MDGA2: variants seen among roughly 807,000 people sequenced by gnomAD.
The protein encoded by MDGA2 is MAM domain-containing glycosylphosphatidylinositol anchor protein 2.
Under a neutral mutation model 117.8 loss-of-function variants are expected in MDGA2, and 40 were observed. That is an observed-to-expected ratio of 0.34 (90% CI 0.26 to 0.44). The LOEUF (loss-of-function observed/expected upper bound fraction) is 0.44. MDGA2 is among the 20% of genes least tolerant of loss of function. The pLI is 1.00. For missense variants in MDGA2, 1,123 were observed against 1,250.6 expected, an observed-to-expected ratio of 0.90 and a Z score of 1.54; for synonymous variants, 452 against 439.0, an observed-to-expected ratio of 1.03 and a Z score of -0.37.
intron 4 of MDGA2, among the ~76,000 whole-genome samples, chr14:47,140,773 G>T (rs895159897): frequency 6.6e-6 from 1 of 151,952 alleles, no homozygotes; most frequent in African/African-American, 2.4e-5. Context: ...TTGGTCTGGG[G>T]ACAGGCAACT....
chr14:46,850,492 G>A (rs1033653025), intron 15 of MDGA2, among the ~76,000 whole-genome samples: 2 of 151,730 alleles, frequency 1.3e-5, no homozygotes, highest in African/African-American at 4.8e-5. Flanking sequence ...TTACTGCTAA[G>A]GCAAATGCAA....
chr14:47,169,369 T>G (rs568731251), intron 3 of MDGA2, among the ~76,000 whole-genome samples: 1 of 151,880 alleles, frequency 6.6e-6, no homozygotes, highest in African/African-American at 2.4e-5. Flanking sequence ...TTATATGATG[T>G]TACCTTTTCA....
At chr14:47,366,002 CACAAAGACAATCTCAATA>C (rs1442611195) in intron 1 of MDGA2, among the ~76,000 whole-genome samples, 1 of 152,108 alleles carries the variant, frequency 6.6e-6, no homozygotes, top group African/African-American at 2.4e-5. Context: ...AGAACTCAAT[CACAAAGACAATCTCAATA>C]ACCATGTATG....
chr14:47,206,108 C>G (rs1260647442), intron 3 of MDGA2, among the ~76,000 whole-genome samples: 1 of 151,926 alleles, frequency 6.6e-6, no homozygotes, highest in Non-Finnish European at 1.5e-5. Context: ...GTTTTCCAAC[C>G]AAAACATACT....
At chr14:47,069,660 C>T (rs1435742679) in intron 6 of MDGA2, among the ~76,000 whole-genome samples, 1 of 152,136 alleles carries the variant, frequency 6.6e-6, no homozygotes, top group African/African-American at 2.4e-5. Flanking sequence ...GGAGTTTTCC[C>T]TTGATGTTCT....
chr14:47,474,616 C>T (rs867627630), intron 1 of MDGA2, among the ~76,000 whole-genome samples: 78 of 152,170 alleles, frequency 5.1e-4, no homozygotes, highest in Admixed American at 4.6e-4. Flanking sequence ...CAAAACGTCA[C>T]GGTACTGGTC....
chr14:47,162,024 C>A (rs1883661557), intron 3 of MDGA2, among the ~76,000 whole-genome samples: 1 of 146,092 alleles, frequency 6.8e-6, no homozygotes, highest in African/African-American at 2.5e-5. Flanking sequence ...CGGCTCACTG[C>A]AACCTCCACC....
chr14:47,411,941 T>C (rs1892381742), intron 1 of MDGA2, among the ~76,000 whole-genome samples: 1 of 152,204 alleles, frequency 6.6e-6, no homozygotes, highest in African/African-American at 2.4e-5. Context: ...CATTGAAAAG[T>C]AGTCACTCTT....
chr14:47,447,254 G>A (rs1893143195), intron 1 of MDGA2, among the ~76,000 whole-genome samples: 3 of 152,140 alleles, frequency 2.0e-5, no homozygotes, highest in Non-Finnish European at 4.4e-5. Context: ...GCTAGCCTGG[G>A]AAGTTTCTTG....
At chr14:47,391,853 C>T (rs1175955340) in intron 1 of MDGA2, among the ~76,000 whole-genome samples, 1 of 139,780 alleles carries the variant, frequency 7.2e-6, no homozygotes, top group East Asian at 2.1e-4. Flanking sequence ...ATAAGTATCT[C>T]AAAGATTTGA....
chr14:47,608,389 T>C (rs149566242), intron 1 of MDGA2, among the ~76,000 whole-genome samples: 155 of 152,232 alleles, frequency 1.0e-3, no homozygotes, highest in African/African-American at 3.5e-3. Context: ...ACTAAATCCA[T>C]ACATTCTTGC....
At chr14:47,182,812 C>G (rs1395756941) in intron 3 of MDGA2, among the ~76,000 whole-genome samples, 1 of 152,144 alleles carries the variant, frequency 6.6e-6, no homozygotes, top group African/African-American at 2.4e-5. Flanking sequence ...ATATACAAAT[C>G]TGCTCTCAAA....
At chr14:47,098,597 G>A (rs1446012288) in intron 5 of MDGA2, among the ~76,000 whole-genome samples, 2 of 151,740 alleles carry the variant, frequency 1.3e-5, no homozygotes, top group African/African-American at 4.8e-5. Context: ...TAAATATTCT[G>A]AAAATAGATA....
chr14:47,526,873 A>G (rs1894983268), intron 1 of MDGA2, among the ~76,000 whole-genome samples: 1 of 152,152 alleles, frequency 6.6e-6, no homozygotes, highest in Non-Finnish European at 1.5e-5. Flanking sequence ...AAGTAGAACA[A>G]TTGTTGAGAT....
At chr14:47,017,666 T>C (rs536669863) in intron 8 of MDGA2, among the ~76,000 whole-genome samples, 2 of 152,034 alleles carry the variant, frequency 1.3e-5, no homozygotes, top group African/African-American at 4.8e-5. Context: ...AGCTGAAAAA[T>C]ACAGATTAAA....
At chr14:46,982,978 C>T (rs955610786) in intron 8 of MDGA2, among the ~76,000 whole-genome samples, 2 of 151,930 alleles carry the variant, frequency 1.3e-5, no homozygotes, top group Non-Finnish European at 2.9e-5. Context: ...TGAGATACGT[C>T]CCATCAATAC....
At chr14:46,894,199 G>T (rs1882992048) in intron 10 of MDGA2, among the ~76,000 whole-genome samples, 1 of 151,950 alleles carries the variant, frequency 6.6e-6, no homozygotes, top group Non-Finnish European at 1.5e-5. Flanking sequence ...CATTTCCTCA[G>T]TTGAAGAAGT....
chr14:47,015,325 A>T (rs1382650245), intron 8 of MDGA2, among the ~76,000 whole-genome samples: 2 of 151,986 alleles, frequency 1.3e-5, no homozygotes, highest in East Asian at 3.9e-4. Flanking sequence ...TGCTGTTAAA[A>T]AAAAAAAAAA....
intron 1 of MDGA2, among the ~76,000 whole-genome samples, chr14:47,513,732 A>T (rs1894692568): frequency 6.6e-6 from 1 of 152,128 alleles, no homozygotes; most frequent in Non-Finnish European, 1.5e-5. Context: ...AGTACATTAA[A>T]TTGGCATTCC....
Sources: gnomAD v4.1 joint callset for allele counts (sites outside exome capture counted in the v4.1 genomes callset) on GRCh38, gnomAD v4.1.1 for gene constraint, MANE v1.5 for transcripts, NCBI Gene and HGNC (gene_info 2026-07-23, HGNC 2026-07-21) for gene names.